The following SUDS3 variants were observed in gnomAD, a reference collection of about 807,000 sequenced individuals.
SUDS3 encodes the protein sin3 histone deacetylase corepressor complex component SDS3.
SUDS3 carries 23 observed loss-of-function variants against 53.5 expected under a neutral mutation model. That is an observed-to-expected ratio of 0.43 (90% CI 0.31 to 0.61). SUDS3 has a LOEUF of 0.61. Among genes scored for constraint, SUDS3 ranks in the 20% least tolerant of loss-of-function variants. The probability of loss-of-function intolerance (pLI) is 0.10; values close to 1 mark genes in which losing one functional copy is unlikely to be tolerated. For missense variants in SUDS3, 291 were observed against 405.9 expected (o/e 0.72, Z 2.43); for synonymous variants, 150 against 148.5 (o/e 1.01, Z -0.08).
Position 118,417,938 on chromosome 12 carries a change from C to A in SUDS3, c.*3505C>A, listed in dbSNP as rs1015007656. ...GGGTGTTGACCCTTAAATGTTTGTG[C>A]ACTCTTCTTGTTGCAGATAAAAGTC... On this transcript the variant is annotated 3_prime_UTR_variant, in exon 12 of 12. Transcript: ENST00000543473. The A allele has an allele frequency of 1.3e-5, 2 of 152,114 alleles. No individual in the cohort carries two copies. The highest frequency in any genetic ancestry group is 4.8e-5 in the African/African-American group (2 of 41,428). The allele number at this position is 152,114 out of a possible 1,614,324, so 9.4% of individuals were successfully genotyped here.
At chr12:118,401,042 G>A (rs535778674) in intron 7 of SUDS3, among the ~76,000 whole-genome samples, 1 of 152,256 alleles carries the variant, frequency 6.6e-6, no homozygotes, top group African/African-American at 2.4e-5. Flanking sequence ...AGATTCAGGG[G>A]CATCTGAAAA....
intron 6 of SUDS3, among the ~76,000 whole-genome samples, chr12:118,396,095 G>C (rs2046212755): frequency 6.6e-6 from 1 of 152,204 alleles, no homozygotes; most frequent in Non-Finnish European, 1.5e-5. Context: ...AGAAGGGCAT[G>C]ATGTCTGCTA....
At chr12:118,399,670 A>G (rs2046246605) in intron 6 of SUDS3, among the ~76,000 whole-genome samples, 1 of 152,172 alleles carries the variant, frequency 6.6e-6, no homozygotes, top group Non-Finnish European at 1.5e-5. Context: ...AGGCAGGACC[A>G]ACATTAGTTG....
intron 2 of SUDS3, 124 bp downstream of exon 2, chr12:118,380,355 A>C: frequency 1.2e-6 from 1 of 803,628 alleles, no homozygotes; most frequent in Admixed American, 2.6e-5. Context: ...TGCCAGCATG[A>C]TGCTCAAAGG....
Position 118,414,578 on chromosome 12 carries a change from T to C in SUDS3, c.*145T>C, listed in dbSNP as rs563217287. The stretch of plus-strand genomic sequence containing the variant: ...ATGGAGAGCACTGCAGTGAATTCTT[T>C]AGGGCACTTTTGTGGCCGGATGCTT... On this transcript the variant is annotated 3_prime_UTR_variant, in exon 12 of 12. Coordinates refer to ENST00000543473, the MANE Select transcript of SUDS3 (RefSeq NM_022491.3). The C allele has an allele frequency of 9.9e-6, 6 of 608,822 alleles. No homozygotes were observed. The highest frequency in any genetic ancestry group is 3.8e-5 in the African/African-American group (2 of 52,584). 37.7% of individuals were successfully genotyped at this position (608,822 alleles called of 1,614,324 possible). A position where few individuals can be genotyped will look rare whatever the true frequency, so the allele number is the denominator to read the frequency against.
chr12:118,404,751 C>A (rs931402249), intron 10 of SUDS3, among the ~76,000 whole-genome samples: 5 of 151,992 alleles, frequency 3.3e-5, no homozygotes, highest in Non-Finnish European at 7.4e-5. Flanking sequence ...GTCTCATTAT[C>A]ATTTATAATG....
intron 5 of SUDS3, chr12:118,390,883 T>A: frequency 1.8e-6 from 1 of 555,338 alleles, no homozygotes; most frequent in Non-Finnish European, 3.4e-6. Flanking sequence ...GTATAAAATA[T>A]AGGATGTGGA....
chr12:118,403,552 T>G, intron 10 of SUDS3, 35 bp downstream of exon 10: 1 of 1,541,110 alleles, frequency 6.5e-7, no homozygotes, highest in Non-Finnish European at 8.9e-7. Context: ...AGTAAGAGTC[T>G]CATATGAACC....
At chr12:118,386,639 G>A (rs764494344) in intron 4 of SUDS3, among the ~76,000 whole-genome samples, 3 of 152,018 alleles carry the variant, frequency 2.0e-5, no homozygotes, top group Non-Finnish European at 2.9e-5. Context: ...TAGAGAAAAC[G>A]CACACTTGAT....
At chr12:118,377,917 G>T (rs1425345901) in intron 1 of SUDS3, among the ~76,000 whole-genome samples, 4 of 152,182 alleles carry the variant, frequency 2.6e-5, no homozygotes, top group African/African-American at 4.8e-5. Flanking sequence ...CTGAAGGAGG[G>T]GAGAAGGGTT....
At chr12:118,393,160 C>T (rs1566201797) in intron 6 of SUDS3, among the ~76,000 whole-genome samples, 1 of 152,140 alleles carries the variant, frequency 6.6e-6, no homozygotes, top group Non-Finnish European at 1.5e-5. Flanking sequence ...TTAACATTTC[C>T]ACAGATGGCG....
At chr12:118,409,299 A>C (rs555965014) in intron 10 of SUDS3, among the ~76,000 whole-genome samples, 2 of 152,100 alleles carry the variant, frequency 1.3e-5, no homozygotes, top group Non-Finnish European at 2.9e-5. Context: ...GGAGCCTGCC[A>C]CCACTCCCGG....
At position 118,392,857 on chromosome 12, in the gene SUDS3, T is replaced by G. The variant is rs573067069; in HGVS notation, c.517+1575T>G. Among the ~76,000 whole-genome samples, 44 of 152,356 alleles carry G rather than the reference T, an allele frequency of 2.9e-4. 1 individual carries two copies. The South Asian group carries it at 8.9e-3, about 31-fold the overall frequency. On this transcript the variant is annotated intron_variant, in intron 6 of 11. Transcript: ENST00000543473. Reference sequence around the variant, plus strand: ...ACCTGTGATTTGGCGTCCTAATTATTGACAAGCGATAGACATTGTTTGGCC... The same window carrying G: ...ACCTGTGATTTGGCGTCCTAATTATGGACAAGCGATAGACATTGTTTGGCC...
Position 118,417,591 on chromosome 12 carries a change from AAGCAGGTGATGGTCTTTTTTTATAAC to A in SUDS3, c.*3160_*3185del, listed in dbSNP as rs902657970. ...AACATGGTAAATTTGCAGCCATTTC[AAGCAGGTGATGGTCTTTTTTTATAAC>A]ATCGTTAACGGGTACCATTAAATAT... On this transcript the variant is annotated 3_prime_UTR_variant, in exon 12 of 12. Transcript: ENST00000543473. 2 of 152,070 alleles carry A rather than the reference AAGCAGGTGATGGTCTTTTTTTATAAC, an allele frequency of 1.3e-5. No individual in the cohort carries two copies. Among genetic ancestry groups the A allele is most frequent in the African/African-American group, 4.8e-5 (2 of 41,398 alleles). The allele number at this position is 152,070 out of a possible 1,614,324, so 9.4% of individuals were successfully genotyped here.
At chr12:118,390,166 T>C (rs7304342) in intron 5 of SUDS3, among the ~76,000 whole-genome samples, 22,447 of 152,216 alleles carry the variant, frequency 0.15, 1,715 homozygotes, top group Middle Eastern at 0.2. Context: ...GGAATACTCA[T>C]CCCTAACTGC....
chr12:118,400,886 TA>T, intron 7 of SUDS3, 132 bp downstream of exon 7: 1 of 850,380 alleles, frequency 1.2e-6, no homozygotes, highest in Non-Finnish European at 1.9e-6. Context: ...AAGCGTGTGT[TA>T]AATGTTTGTC....
intron 11 of SUDS3, 61 bp downstream of exon 11, chr12:118,411,218 G>C: frequency 1.4e-6 from 2 of 1,470,168 alleles, no homozygotes; most frequent in Admixed American, 2.0e-5. Context: ...GTGTTGGTAG[G>C]GCAAACCTGA....
chr12:118,384,173 C>A, intron 3 of SUDS3, 106 bp downstream of exon 3: 2 of 1,151,582 alleles, frequency 1.7e-6, no homozygotes, highest in South Asian at 2.7e-5. Context: ...AAAACACGGT[C>A]TGGCTGATCT....
At chr12:118,391,058 T>C in intron 5 of SUDS3, 68 bp from the exon 6 acceptor site, 2 of 1,587,562 alleles carry the variant, frequency 1.3e-6, no homozygotes, top group Non-Finnish European at 1.7e-6. Context: ...AGGACAGGGC[T>C]AGACTTTGAG....
Sources: allele counts gnomAD v4.1 joint callset (sites outside exome capture counted in the v4.1 genomes callset), GRCh38; gene constraint gnomAD v4.1.1; transcripts MANE v1.5; gene names NCBI Gene and HGNC (gene_info 2026-07-23, HGNC 2026-07-21).